The following ATP5MF variants were observed in gnomAD, a reference collection of about 807,000 sequenced individuals.
ATP5MF encodes ATP synthase membrane subunit f, also known as ATP synthase F(0) complex subunit f, mitochondrial.
ATP5MF carries 10 observed loss-of-function variants against 13.8 expected under a neutral mutation model. The observed-to-expected ratio is 0.72, with a 90% CI of 0.45 to 1.23. The LOEUF (loss-of-function observed/expected upper bound fraction) is 1.23, where lower values mean the gene tolerates loss of function less well. ATP5MF is among the 50% of genes most tolerant of loss of function. ATP5MF has a pLI of 0.00. For missense variants in ATP5MF, 122 were observed against 118.2 expected, an observed-to-expected ratio of 1.03 and a Z score of -0.15; for synonymous variants, 40 against 45.8, an observed-to-expected ratio of 0.87 and a Z score of 0.51.
intron 1 of ATP5MF, among the ~76,000 whole-genome samples, chr7:99,464,268 G>A (rs373325581): frequency 9.2e-5 from 14 of 152,214 alleles, no homozygotes; most frequent in East Asian, 3.8e-4. Flanking sequence ...CACAACTACC[G>A]TGTACGACGA....
chr7:99,458,550 A>T (rs1562870304), intron 3 of ATP5MF, among the ~76,000 whole-genome samples, 195 bp from the exon 4 acceptor site: 1 of 152,166 alleles, frequency 6.6e-6, no homozygotes. Context: ...CCAACCTGCC[A>T]CCTGGCCAAC....
chr7:99,459,232 A>G lies in ATP5MF; in HGVS notation c.171T>C (p.Asn57=), dbSNP rs781434096. ...GYYRYYNKYI[N]VKKGSISGIT... ...TCCCCGAGATGCTCCCCTTCTTCAC[A>G]TTGATGTACTTGTTGTAGTACCGGT... The change falls in exon 3 of 4, where the codon AAT becomes AAC. Residue 57 remains asparagine (N), a synonymous_variant. Transcript: ENST00000292475. 3 of 1,614,140 alleles carry G rather than the reference A, an allele frequency of 1.9e-6. No individual in the cohort carries two copies. The highest frequency in any genetic ancestry group is 1.1e-5 in the South Asian group (1 of 91,082).
At chr7:99,464,715 C>T (rs1798773836) in intron 1 of ATP5MF, among the ~76,000 whole-genome samples, 2 of 151,758 alleles carry the variant, frequency 1.3e-5, no homozygotes, top group Admixed American at 1.3e-4. Context: ...AATCTCAACA[C>T]TTTGGGAGGT....
At chr7:99,460,471 A>G (rs546920519) in intron 1 of ATP5MF, 1 of 663,440 alleles carries the variant, frequency 1.5e-6, no homozygotes, top group East Asian at 3.1e-5. Flanking sequence ...AGGGTCTCGA[A>G]AAAAGCAGTA....
intron 1 of ATP5MF, among the ~76,000 whole-genome samples, chr7:99,465,595 A>G (rs1737012418): frequency 6.6e-6 from 1 of 152,208 alleles, no homozygotes; most frequent in Admixed American, 6.5e-5. Context: ...ACGAATCCTC[A>G]GGTTTGAATA....
intron 3 of ATP5MF, among the ~76,000 whole-genome samples, chr7:99,458,618 A>C (rs889792119): frequency 1.3e-5 from 2 of 152,044 alleles, no homozygotes; most frequent in Admixed American, 1.3e-4. Flanking sequence ...GCCCCAGAGA[A>C]CCCGTCCTTC....
intron 2 of ATP5MF, 26 bp downstream of exon 2, chr7:99,460,059 AT>A (rs1308667531): frequency 6.3e-7 from 1 of 1,582,442 alleles, no homozygotes; most frequent in South Asian, 1.2e-5. Flanking sequence ...ATTTGCTTTC[AT>A]TTACAGACAT....
rs1357737624 is a variant in ATP5MF, at chr7:99,458,235, TA to T, written c.*91del. On this transcript the variant is annotated 3_prime_UTR_variant, in exon 4 of 4. Coordinates refer to ENST00000292475, the MANE Select transcript of ATP5MF (RefSeq NM_004889.5). ...ATTTGGAGGTTAATTCCTATTAGGATATGAAAGGATTCAGCAACGATTGAGA... is the reference window on the plus strand; with the variant it reads ...ATTTGGAGGTTAATTCCTATTAGGATTGAAAGGATTCAGCAACGATTGAGA... The T allele has an allele frequency of 1.4e-4, 182 of 1,310,070 alleles. 2 individuals are homozygous for T. In the Middle Eastern group the frequency reaches 1.7e-3, roughly 12 times the overall value. 81.2% of individuals were successfully genotyped at this position (1,310,070 alleles called of 1,614,324 possible). A position where few individuals can be genotyped will look rare whatever the true frequency, so the allele number is the denominator to read the frequency against.
At chr7:99,462,992 A>G (rs1798685816) in intron 1 of ATP5MF, among the ~76,000 whole-genome samples, 1 of 152,236 alleles carries the variant, frequency 6.6e-6, no homozygotes, top group Non-Finnish European at 1.5e-5. Context: ...GCCATTTTGT[A>G]GGTGTGTGCC....
At chr7:99,459,782 T>C (rs1798516988) in intron 2 of ATP5MF, 1 of 334,758 alleles carries the variant, frequency 3.0e-6, no homozygotes, top group South Asian at 4.1e-5. Flanking sequence ...TATAGACTAA[T>C]GCCCACTACG....
chr7:99,464,971 AAAG>A (rs1221614563), intron 1 of ATP5MF, among the ~76,000 whole-genome samples: 1 of 151,738 alleles, frequency 6.6e-6, no homozygotes, highest in Non-Finnish European at 1.5e-5. Context: ...TGTCAAAAAA[AAAG>A]AATACAGAAA....
chr7:99,463,167 G>A (rs191635702), intron 1 of ATP5MF, among the ~76,000 whole-genome samples: 101 of 152,350 alleles, frequency 6.6e-4, no homozygotes, highest in Admixed American at 2.6e-4. Flanking sequence ...CAGATTCTCA[G>A]TAATGGTTGT....
intron 1 of ATP5MF, among the ~76,000 whole-genome samples, chr7:99,462,288 TAAAAAAAAAAAAAAAA>T (rs755455949): frequency 6.5e-5 from 2 of 30,872 alleles, no homozygotes; most frequent in South Asian, 1.4e-3. Context: ...CCATCACTAC[TAAAAAAAAAAAAAAAA>T]AAAAAAAAAA....
chr7:99,460,021 G>A (rs935113422), intron 2 of ATP5MF, 65 bp downstream of exon 2: 33 of 1,532,946 alleles, frequency 2.2e-5, no homozygotes, highest in Non-Finnish European at 2.9e-5. Flanking sequence ...ATTAATTCAT[G>A]GCAAAAAAGA....
chr7:99,465,715 GCTC>G (rs1183484959), intron 1 of ATP5MF, among the ~76,000 whole-genome samples: 1 of 152,218 alleles, frequency 6.6e-6, no homozygotes, highest in African/African-American at 2.4e-5. Flanking sequence ...CTAGTCCTGA[GCTC>G]CTCCTGGAGC....
intron 1 of ATP5MF, among the ~76,000 whole-genome samples, chr7:99,461,449 A>G (rs992477252): frequency 3.9e-5 from 6 of 152,140 alleles, no homozygotes; most frequent in Non-Finnish European, 7.4e-5. Context: ...TGCCTTCTCA[A>G]AGATAACCAC....
chr7:99,463,288 A>G (rs2151031012), intron 1 of ATP5MF, among the ~76,000 whole-genome samples: 2 of 152,358 alleles, frequency 1.3e-5, no homozygotes, highest in East Asian at 3.9e-4. Flanking sequence ...CCAGAGAATA[A>G]AGATTTTTGG....
intron 2 of ATP5MF, 170 bp downstream of exon 2, chr7:99,459,916 G>T: frequency 1.4e-6 from 1 of 708,004 alleles, no homozygotes; most frequent in Non-Finnish European, 2.3e-6. Flanking sequence ...CCTTTGAAAG[G>T]GCCAATCAAC....
chr7:99,461,217 C>T (rs1418579697), intron 1 of ATP5MF, among the ~76,000 whole-genome samples: 2 of 152,120 alleles, frequency 1.3e-5, no homozygotes, highest in African/African-American at 4.8e-5. Context: ...TTCTGAGAGA[C>T]AGGGTCTCAC....
Sources: allele counts gnomAD v4.1 joint callset (sites outside exome capture counted in the v4.1 genomes callset), GRCh38; gene constraint gnomAD v4.1.1; transcripts MANE v1.5; gene names NCBI Gene and HGNC (gene_info 2026-07-23, HGNC 2026-07-21).